The following DAW1 variants were observed in gnomAD, a reference collection of about 807,000 sequenced individuals.
DAW1 encodes dynein assembly factor with WD repeat domains 1.
A neutral mutation model predicts 56.5 loss-of-function variants in DAW1; 47 were observed. The ratio of observed to expected loss-of-function variants is 0.83; its 90% CI spans 0.66 to 1.06. DAW1 has a LOEUF of 1.06. Among genes scored for constraint, DAW1 ranks in the 50% least tolerant of loss-of-function variants. The pLI is 0.00. For missense variants in DAW1, 505 were observed against 499.3 expected, an observed-to-expected ratio of 1.01 and a Z score of -0.11; for synonymous variants, 190 against 179.0, an observed-to-expected ratio of 1.06 and a Z score of -0.49.
At chr2:227,914,707 T>G (rs968144822) in intron 10 of DAW1, among the ~76,000 whole-genome samples, 2 of 152,114 alleles carry the variant, frequency 1.3e-5, no homozygotes, top group African/African-American at 4.8e-5. Context: ...CATTAACATG[T>G]ATTGTGCTAC....
intron 10 of DAW1, among the ~76,000 whole-genome samples, chr2:227,918,203 C>CCAT (rs1241035088): frequency 0.02 from 2,872 of 144,916 alleles, 42 homozygotes; most frequent in Middle Eastern, 0.071. Flanking sequence ...ATCCATCCAT[C>CCAT]CATCCATCCA....
intron 1 of DAW1, among the ~76,000 whole-genome samples, chr2:227,883,144 G>A (rs1018781123): frequency 1.3e-5 from 2 of 152,086 alleles, no homozygotes; most frequent in African/African-American, 4.8e-5. Flanking sequence ...ACATTTTCTT[G>A]AAAATGAAGA....
intron 11 of DAW1, among the ~76,000 whole-genome samples, 191 bp from the exon 12 acceptor site, chr2:227,921,208 C>T (rs1692097959): frequency 6.6e-6 from 1 of 151,196 alleles, no homozygotes; most frequent in Admixed American, 6.6e-5. Context: ...TTTTAGTTTC[C>T]ATGTACTAGT....
intron 6 of DAW1, 40 bp downstream of exon 6, chr2:227,898,321 A>G: frequency 2.9e-6 from 3 of 1,026,578 alleles, no homozygotes; most frequent in Non-Finnish European, 3.7e-6. Flanking sequence ...TTATGTATAT[A>G]TATATATTAT....
Position 227,893,886 on chromosome 2 carries a change from G to C in DAW1, c.409G>C (p.Val137Leu), listed in dbSNP as rs781107140. 6.2e-7 allele frequency: 1 copy of C among 1,613,292 alleles called. No homozygotes were observed. The highest frequency in any genetic ancestry group is 1.7e-5 in the Admixed American group (1 of 59,866). ...LNTLEGHRNV[V>L]YAIAFNNPYG... Reference sequence around the variant, plus strand: ...CACGCTGGAGGGCCACAGGAATGTGGTTTATGCCATAGCATTCAACAATCC... The same window carrying C: ...CACGCTGGAGGGCCACAGGAATGTGCTTTATGCCATAGCATTCAACAATCC... The change falls in exon 5 of 13, where the codon GTT (valine) becomes CTT (leucine). Residue 137 changes from valine (V) to leucine (L), a missense_variant. Val to Leu is a conservative substitution (Grantham distance 32, BLOSUM62 1). Transcript: ENST00000309931.
chr2:227,884,762 C>T (rs1020385717), intron 1 of DAW1, among the ~76,000 whole-genome samples: 2 of 152,172 alleles, frequency 1.3e-5, no homozygotes, highest in Non-Finnish European at 2.9e-5. Context: ...TCTGAGACAT[C>T]CCTGGATGTC....
intron 3 of DAW1, among the ~76,000 whole-genome samples, chr2:227,890,433 A>G (rs913213527): frequency 2.0e-5 from 3 of 152,216 alleles, no homozygotes; most frequent in African/African-American, 7.2e-5. Flanking sequence ...TGATGTAAAT[A>G]TGCTTTTTAA....
At chr2:227,913,928 T>TCA (rs201424453) in intron 10 of DAW1, among the ~76,000 whole-genome samples, 1 of 147,558 alleles carries the variant, frequency 6.8e-6, no homozygotes, top group African/African-American at 2.5e-5. Flanking sequence ...TCTATCTATC[T>TCA]TCATCATCAT....
intron 1 of DAW1, among the ~76,000 whole-genome samples, chr2:227,880,867 C>T (rs537995011): frequency 2.1e-4 from 32 of 152,142 alleles, no homozygotes; most frequent in Non-Finnish European, 3.8e-4. Flanking sequence ...GTATCTGGAA[C>T]TCAGAGGAGA....
At chr2:227,923,552 A>G (rs1046263283) in intron 12 of DAW1, among the ~76,000 whole-genome samples, 13 of 152,144 alleles carry the variant, frequency 8.5e-5, no homozygotes, top group African/African-American at 2.4e-4. Context: ...CCTCTTCCTA[A>G]GCTTATCATC....
Position 227,903,027 on chromosome 2 carries a change from G to A in DAW1, c.566G>A (p.Ser189Asn). 1 of 1,614,104 alleles carries A rather than the reference G, an allele frequency of 6.2e-7. No individual in the cohort carries two copies. Among genetic ancestry groups the A allele is most frequent in the Non-Finnish European group, 8.5e-7 (1 of 1,180,018 alleles). The stretch of plus-strand genomic sequence containing the variant: ...GTGTGTTTATCATTTAACCCTCAAA[G>A]CACATTGGTGGCGACTGGAAGTATG... ...EIVCLSFNPQ[S>N]TLVATGSMDT... Residue 189 changes from serine (S) to asparagine (N), a missense_variant, in exon 7 of 13, where the codon AGC becomes AAC. Coordinates refer to ENST00000309931, the MANE Select transcript of DAW1 (RefSeq NM_178821.3).
intron 6 of DAW1, among the ~76,000 whole-genome samples, chr2:227,902,703 C>T (rs16825810): frequency 0.13 from 19,787 of 152,016 alleles, 1,361 homozygotes; most frequent in East Asian, 0.25. Flanking sequence ...CCATATAGCA[C>T]GGATCTTAAA....
chr2:227,906,369 A>G, intron 9 of DAW1, 31 bp downstream of exon 9: 2 of 1,510,614 alleles, frequency 1.3e-6, no homozygotes, highest in Non-Finnish European at 1.8e-6. Context: ...TCTTTGCTTT[A>G]TATTGTGTCT....
chr2:227,893,399 G>A (rs1358097500), intron 4 of DAW1, among the ~76,000 whole-genome samples: 1 of 151,610 alleles, frequency 6.6e-6, no homozygotes, highest in Non-Finnish European at 1.5e-5. Flanking sequence ...GGCGTGGTGT[G>A]TCACACCTGT....
At chr2:227,891,770 A>T (rs140747256) in intron 4 of DAW1, among the ~76,000 whole-genome samples, 299 of 152,364 alleles carry the variant, frequency 2.0e-3, no homozygotes, top group African/African-American at 6.9e-3. Context: ...ACCTACAGAC[A>T]TAAAATAAAC....
chr2:227,917,138 A>ATCTGTCTGTCTG (rs1376270469), intron 10 of DAW1, among the ~76,000 whole-genome samples: 7 of 98,144 alleles, frequency 7.1e-5, no homozygotes, highest in East Asian at 5.5e-4. Context: ...CTATCTATCT[A>ATCTGTCTGTCTG]TCTATCTGTC....
chr2:227,919,685 C>G (rs901009605), intron 11 of DAW1, among the ~76,000 whole-genome samples: 1 of 152,160 alleles, frequency 6.6e-6, no homozygotes, highest in African/African-American at 2.4e-5. Flanking sequence ...AAGGATCATT[C>G]ACGGAGCAGG....
chr2:227,923,588 T>C (rs1692157555), intron 12 of DAW1, among the ~76,000 whole-genome samples: 1 of 152,122 alleles, frequency 6.6e-6, no homozygotes, highest in Non-Finnish European at 1.5e-5. Context: ...TCAAAGTTGC[T>C]GTATTTCCAC....
At chr2:227,908,382 C>T (rs1005005545) in intron 10 of DAW1, among the ~76,000 whole-genome samples, 11 of 152,164 alleles carry the variant, frequency 7.2e-5, no homozygotes, top group South Asian at 2.1e-4. Context: ...CACGTCATCT[C>T]GTTGAAGCCA....
Sources: allele counts gnomAD v4.1 joint callset (sites outside exome capture counted in the v4.1 genomes callset), GRCh38; gene constraint gnomAD v4.1.1; transcripts MANE v1.5; gene names NCBI Gene and HGNC (gene_info 2026-07-23, HGNC 2026-07-21).